The following OTOGL variants were observed in gnomAD, a reference collection of about 807,000 sequenced individuals.
OTOGL encodes otogelin-like protein.
A neutral mutation model predicts 318.5 loss-of-function variants in OTOGL; 285 were observed. The observed-to-expected ratio is 0.89, with a 90% CI of 0.81 to 0.99. The LOEUF is 0.99. Ranked by LOEUF, OTOGL falls within the 50% of genes least tolerant of loss-of-function variation. OTOGL has a pLI of 0.00. For synonymous variants in OTOGL, 987 were observed against 936.5 expected (o/e 1.05, Z -0.99); for missense variants, 2,899 against 2,845.6 (o/e 1.02, Z -0.43).
At chr12:80,343,591 G>A (rs912096942) in intron 44 of OTOGL, 4 of 137,928 alleles carry the variant, frequency 2.9e-5, no homozygotes, top group African/African-American at 1.1e-4. Context: ...TAGCAGGGGA[G>A]TGCTGCTACT....
intron 1 of OTOGL, among the ~76,000 whole-genome samples, chr12:80,173,848 C>T (rs1592518095): frequency 6.6e-6 from 1 of 152,148 alleles, no homozygotes; most frequent in Non-Finnish European, 1.5e-5. Context: ...TCCTGCCTAA[C>T]TATTAGGGCA....
intron 1 of OTOGL, among the ~76,000 whole-genome samples, chr12:80,185,249 C>A (rs1321163374): frequency 6.6e-6 from 1 of 152,042 alleles, no homozygotes; most frequent in Non-Finnish European, 1.5e-5. Flanking sequence ...TGAGGTCAGG[C>A]TGCCTGGGTT....
At chr12:80,198,608 C>T (rs1016048682) in intron 1 of OTOGL, among the ~76,000 whole-genome samples, 6 of 150,116 alleles carry the variant, frequency 4.0e-5, no homozygotes, top group African/African-American at 1.5e-4. Context: ...ATAATAATAA[C>T]AACCTGTATC....
At chr12:80,308,211 G>A (rs1403914180) in intron 29 of OTOGL, among the ~76,000 whole-genome samples, 4 of 150,924 alleles carry the variant, frequency 2.7e-5, no homozygotes, top group African/African-American at 4.9e-5. Flanking sequence ...CTTCCCAGAC[G>A]GGGTGGCTGC....
intron 11 of OTOGL, among the ~76,000 whole-genome samples, chr12:80,251,395 A>G (rs1266333339): frequency 1.3e-5 from 2 of 152,232 alleles, no homozygotes; most frequent in Non-Finnish European, 2.9e-5. Context: ...AAATGTTATA[A>G]TTAAAATATA....
chr12:80,250,172 GC>G (rs1462486895), intron 11 of OTOGL, among the ~76,000 whole-genome samples: 1 of 152,090 alleles, frequency 6.6e-6, no homozygotes, highest in East Asian at 1.9e-4. Flanking sequence ...TTCCTATTCG[GC>G]CATCTTGGCT....
intron 26 of OTOGL, among the ~76,000 whole-genome samples, chr12:80,280,042 T>C (rs1884107611): frequency 1.3e-5 from 2 of 151,990 alleles, no homozygotes; most frequent in African/African-American, 4.8e-5. Flanking sequence ...TGCATTTCTC[T>C]AATAATTAAT....
At chr12:80,304,578 T>C (rs1238351867) in intron 28 of OTOGL, among the ~76,000 whole-genome samples, 1 of 152,200 alleles carries the variant, frequency 6.6e-6, no homozygotes, top group Admixed American at 6.5e-5. Context: ...TATATTGAAG[T>C]TATAGTCTTT....
chr12:80,302,605 CTT>C, intron 27 of OTOGL, 27 bp from the exon 28 acceptor site: 1 of 1,270,568 alleles, frequency 7.9e-7, no homozygotes, highest in Non-Finnish European at 1.0e-6. Flanking sequence ...TTACTACTCA[CTT>C]TGTTTATTTT....
rs560266718 is a variant in OTOGL at position 80,320,710 on chromosome 12, C to A, written c.4081+10C>A. 11 of 1,571,730 alleles carry A rather than the reference C, an allele frequency of 7.0e-6. No homozygotes were observed. The highest frequency in any genetic ancestry group is 8.6e-6 in the Non-Finnish European group (10 of 1,160,690). The stretch of plus-strand genomic sequence containing the variant: ...AGCTTCAGCATAGAAGGTATGTTTC[C>A]TGAGATCTCCAAAAAGAGAACAAAT... On this transcript the variant is annotated intron_variant, in intron 34 of 58. Transcript: ENST00000547103.
At chr12:80,119,144 G>A (rs1870341317) in intron 1 of OTOGL, among the ~76,000 whole-genome samples, 2 of 152,294 alleles carry the variant, frequency 1.3e-5, no homozygotes, top group African/African-American at 2.4e-5. Context: ...CCAGCTGACA[G>A]CTACTGAATC....
intron 1 of OTOGL, among the ~76,000 whole-genome samples, chr12:80,134,030 T>A (rs1165535978): frequency 6.6e-6 from 1 of 152,184 alleles, no homozygotes; most frequent in Non-Finnish European, 1.5e-5. Context: ...TCAGCATTGT[T>A]TGTTAAATAG....
At chr12:80,124,126 G>A (rs958187168) in intron 1 of OTOGL, among the ~76,000 whole-genome samples, 60 of 152,124 alleles carry the variant, frequency 3.9e-4, no homozygotes, top group Admixed American at 3.3e-4. Context: ...CCTATGTCCC[G>A]AATGGTGTTG....
chr12:80,180,533 C>T (rs1454807639), intron 1 of OTOGL, among the ~76,000 whole-genome samples: 1 of 152,146 alleles, frequency 6.6e-6, no homozygotes, highest in Admixed American at 6.6e-5. Flanking sequence ...AAGGGCAGTG[C>T]TATTGTACTT....
intron 24 of OTOGL, among the ~76,000 whole-genome samples, chr12:80,275,137 A>G (rs1450354410): frequency 6.6e-6 from 1 of 151,988 alleles, no homozygotes; most frequent in Non-Finnish European, 1.5e-5. Flanking sequence ...CCTGCCATAG[A>G]TAGTGATTTC....
chr12:80,187,731 A>G (rs919864736), intron 1 of OTOGL, among the ~76,000 whole-genome samples: 1 of 152,228 alleles, frequency 6.6e-6, no homozygotes, highest in African/African-American at 2.4e-5. Context: ...CAGTCATTCC[A>G]AAACTGAAAC....
intron 32 of OTOGL, 131 bp from the exon 33 acceptor site, chr12:80,318,415 T>A (rs1887107255): frequency 3.7e-6 from 2 of 538,420 alleles, no homozygotes; most frequent in Non-Finnish European, 5.7e-6. Flanking sequence ...AATTCAGTTA[T>A]TTTATTAGTG....
intron 9 of OTOGL, among the ~76,000 whole-genome samples, chr12:80,238,378 G>A (rs1380424394): frequency 6.6e-6 from 1 of 151,414 alleles, no homozygotes; most frequent in Non-Finnish European, 1.5e-5. Flanking sequence ...AATTTGACAA[G>A]TTTTTTTTTG....
chr12:80,314,175 A>G (rs1886826439), intron 31 of OTOGL, 130 bp from the exon 32 acceptor site: 3 of 307,238 alleles, frequency 9.8e-6, no homozygotes, highest in Non-Finnish European at 1.9e-5. Flanking sequence ...TGCTCAGAAA[A>G]AGTTCCTAAA....
Sources: gnomAD v4.1 joint callset for allele counts (sites outside exome capture counted in the v4.1 genomes callset) on GRCh38, gnomAD v4.1.1 for gene constraint, MANE v1.5 for transcripts, NCBI Gene and HGNC (gene_info 2026-07-23, HGNC 2026-07-21) for gene names.